Variants in ASAH2B observed in about 807,000 individuals in gnomAD.
ASAH2B encodes the protein N-acylsphingosine amidohydrolase 2B, also known as putative inactive neutral ceramidase B.
ASAH2B carries 1 observed loss-of-function variant against 2.9 expected under a neutral mutation model. The observed-to-expected ratio is 0.34, with a 90% CI of 0.12 to 1.63. The LOEUF (loss-of-function observed/expected upper bound fraction) is 1.63, where lower values mean the gene tolerates loss of function less well. Among genes scored for constraint, ASAH2B ranks in the 40% most tolerant of loss-of-function variants. ASAH2B has a pLI of 0.36. For synonymous variants in ASAH2B, 4 were observed against 13.3 expected, an observed-to-expected ratio of 0.30 and a Z score of 1.52; for missense variants, 9 against 37.7, an observed-to-expected ratio of 0.24 and a Z score of 1.99.
chr10:50,744,415 A>G (rs967284563), intron 2 of ASAH2B, among the ~76,000 whole-genome samples: 1 of 151,722 alleles, frequency 6.6e-6, no homozygotes, highest in East Asian at 1.9e-4. Flanking sequence ...TGGGAATGGT[A>G]ATACATAACC....
At chr10:50,745,736 A>C (rs1839896317) in intron 3 of ASAH2B, among the ~76,000 whole-genome samples, 1 of 149,180 alleles carries the variant, frequency 6.7e-6, no homozygotes, top group East Asian at 2.0e-4. Flanking sequence ...GTCATCTGTG[A>C]ATAAAAATAA....
At position 50,757,098 on chromosome 10, in the gene ASAH2B, T is replaced by C. The variant is rs1837109453; in HGVS notation, c.*2358T>C. ...TTCGAAAAGCACTGAATAATCTCTT[T>C]GCCGGGTCTAGATTTTTTGATGAGT... On this transcript the variant is annotated 3_prime_UTR_variant, in exon 6 of 6. Transcript: ENST00000647317. 6.6e-6 allele frequency: 1 copy of C among 151,630 alleles called. No individual in the cohort carries two copies. Among genetic ancestry groups the C allele is most frequent in the Non-Finnish European group, 1.5e-5 (1 of 67,738 alleles). 9.4% of individuals were successfully genotyped at this position (151,630 alleles called of 1,614,324 possible). A position where few individuals can be genotyped will look rare whatever the true frequency, so the allele number is the denominator to read the frequency against.
intron 3 of ASAH2B, among the ~76,000 whole-genome samples, chr10:50,747,155 T>G (rs1211930034): frequency 1.3e-5 from 2 of 150,858 alleles, no homozygotes; most frequent in Non-Finnish European, 3.0e-5. Flanking sequence ...TATATTTAAA[T>G]CTTTAATCAA....
intron 3 of ASAH2B, among the ~76,000 whole-genome samples, chr10:50,748,844 C>T (rs1300736373): frequency 6.6e-6 from 1 of 151,326 alleles, no homozygotes; most frequent in Non-Finnish European, 1.5e-5. Flanking sequence ...CTTTCTTTGT[C>T]ACTTGAAAAT....
At chr10:50,745,724 A>C (rs1192088887) in intron 3 of ASAH2B, among the ~76,000 whole-genome samples, 3 of 149,560 alleles carry the variant, frequency 2.0e-5, no homozygotes, top group Non-Finnish European at 4.4e-5. Flanking sequence ...ATATAGTATC[A>C]TGTCATCTGT....
chr10:50,743,015 T>G lies in ASAH2B; in HGVS notation c.-4+5T>G, dbSNP rs566698822. On this transcript the variant is annotated splice_donor_5th_base_variant and intron_variant, in intron 2 of 5. Coordinates refer to ENST00000647317, the MANE Select transcript of ASAH2B (RefSeq NM_001321958.2). Reference sequence around the variant, plus strand: ...CTTGCTAAGGCTATTGCTACGGTAATCAAATATTGTTTGTGCGTGCGTGCG... The same window carrying G: ...CTTGCTAAGGCTATTGCTACGGTAAGCAAATATTGTTTGTGCGTGCGTGCG... 32 of 1,613,618 alleles carry G rather than the reference T, an allele frequency of 2.0e-5. 1 individual carries two copies. The South Asian group carries it at 3.0e-4, about 15-fold the overall frequency.
intron 2 of ASAH2B, 35 bp downstream of exon 2, chr10:50,743,045 T>C: frequency 8.8e-7 from 1 of 1,140,052 alleles, no homozygotes; most frequent in Non-Finnish European, 1.2e-6. Flanking sequence ...CGTGCGTGCG[T>C]GTGTGTGTGT....
intron 5 of ASAH2B, among the ~76,000 whole-genome samples, 167 bp from the exon 6 acceptor site, chr10:50,754,384 G>A (rs1468790938): frequency 1.7e-5 from 2 of 115,312 alleles, no homozygotes; most frequent in East Asian, 2.8e-4. Flanking sequence ...GAAAATAGAC[G>A]TTTTTGTCTG....
intron 2 of ASAH2B, among the ~76,000 whole-genome samples, chr10:50,744,484 T>C (rs1839878840): frequency 6.6e-6 from 1 of 151,698 alleles, no homozygotes; most frequent in Non-Finnish European, 1.5e-5. Context: ...ATAAAGAGCA[T>C]TAAATATTCA....
Position 50,742,902 on chromosome 10 carries a change from G to A in ASAH2B, c.-99-13G>A, listed in dbSNP as rs1167752781. 2 of 1,613,746 alleles carry A rather than the reference G, an allele frequency of 1.2e-6. No homozygotes were observed. The highest frequency in any genetic ancestry group is 2.2e-5 in the South Asian group (2 of 91,066). On this transcript the variant is annotated splice_polypyrimidine_tract_variant and intron_variant, in intron 1 of 5. Transcript: ENST00000647317. Reference sequence around the variant, plus strand: ...TGCAGAACCATATACAACTCTCCCTGCCTTTCCTGCAGGCTCAGCGATATG... The same window carrying A: ...TGCAGAACCATATACAACTCTCCCTACCTTTCCTGCAGGCTCAGCGATATG...
chr10:50,744,913 A>G lies in ASAH2B; in HGVS notation c.-3-215A>G, dbSNP rs1184835820. ...GGAATAAAAGAGTTGCCTATGACCA[A>G]AACTTTCTCCCAGTGACAAGAGTTT... On this transcript the variant is annotated intron_variant, in intron 2 of 5. Coordinates refer to ENST00000647317, the MANE Select transcript of ASAH2B (RefSeq NM_001321958.2). Among the ~76,000 whole-genome samples, 4 of 151,028 alleles carry G rather than the reference A, an allele frequency of 2.6e-5. No individual in the cohort carries two copies. In the South Asian group the frequency reaches 6.2e-4, roughly 24 times the overall value.
chr10:50,749,022 T>C (rs1159745586), intron 3 of ASAH2B, among the ~76,000 whole-genome samples: 2 of 151,724 alleles, frequency 1.3e-5, no homozygotes, highest in African/African-American at 4.8e-5. Context: ...GATTCAAATA[T>C]TCCCTGTATT....
rs1837081483 is a variant in ASAH2B at position 50,756,093 on chromosome 10, C to A, written c.*1353C>A. On this transcript the variant is annotated 3_prime_UTR_variant, in exon 6 of 6. Transcript: ENST00000647317. ...AATTCTTTAAGTTAACTACAACCTC[C>A]CAGACTGCAAAGCAAATTTCCAAAC... 1 of 140,332 alleles carries A rather than the reference C, an allele frequency of 7.1e-6. No individual in the cohort carries two copies. Among genetic ancestry groups the A allele is most frequent in the Non-Finnish European group, 1.6e-5 (1 of 62,674 alleles). The allele number at this position is 140,332 out of a possible 1,614,324, so 8.7% of individuals were successfully genotyped here.
Position 50,757,431 on chromosome 10 carries a change from G to C in ASAH2B, c.*2691G>C, listed in dbSNP as rs901623449. 4 of 151,116 alleles carry C rather than the reference G, an allele frequency of 2.6e-5. No individual in the cohort carries two copies. Among genetic ancestry groups the C allele is most frequent in the African/African-American group, 9.7e-5 (4 of 41,212 alleles). The allele number at this position is 151,116 out of a possible 1,614,324, so 9.4% of individuals were successfully genotyped here. ...ATTTTCTTTCTCTTTTTTACTAGTT[G>C]GGCAAAAAAATTTCCTAGGCAGGTA... On this transcript the variant is annotated 3_prime_UTR_variant, in exon 6 of 6. Transcript: ENST00000647317.
At chr10:50,742,893 A>T in intron 1 of ASAH2B, 22 bp from the exon 2 acceptor site, 8 of 1,613,030 alleles carry the variant, frequency 5.0e-6, no homozygotes, top group Non-Finnish European at 6.8e-6. Context: ...ACCATATACA[A>T]CTCTCCCTGC....
intron 3 of ASAH2B, among the ~76,000 whole-genome samples, chr10:50,746,366 T>A (rs1332176382): frequency 9.2e-5 from 14 of 151,610 alleles, no homozygotes; most frequent in Non-Finnish European, 1.9e-4. Context: ...TATTCCATTG[T>A]GTATATGTAC....
At chr10:50,745,341 C>T in intron 3 of ASAH2B, 67 bp downstream of exon 3, 1 of 294,854 alleles carries the variant, frequency 3.4e-6, no homozygotes. Context: ...CTTTGTGTCA[C>T]CATTTGCCTC....
At position 50,756,715 on chromosome 10, in the gene ASAH2B, G is replaced by A. The variant is rs1166271278; in HGVS notation, c.*1975G>A. On this transcript the variant is annotated 3_prime_UTR_variant, in exon 6 of 6. Transcript: ENST00000647317. ...CGCACAGAAACCTATTTTCTCACCAGCTGTCATTTCTTCTAGGGCATGCAG... is the reference window on the plus strand; with the variant it reads ...CGCACAGAAACCTATTTTCTCACCAACTGTCATTTCTTCTAGGGCATGCAG... 6.6e-6 allele frequency: 1 copy of A among 151,960 alleles called. No individual in the cohort carries two copies. Among genetic ancestry groups the A allele is most frequent in the African/African-American group, 2.4e-5 (1 of 41,422 alleles). The allele number at this position is 151,960 out of a possible 1,614,324, so 9.4% of individuals were successfully genotyped here. A position where few individuals can be genotyped will look rare whatever the true frequency, so the allele number is the denominator to read the frequency against.
chr10:50,743,083 G>T, intron 2 of ASAH2B, 73 bp downstream of exon 2: 3 of 1,513,426 alleles, frequency 2.0e-6, no homozygotes, highest in Admixed American at 1.7e-5. Flanking sequence ...TCTGTGTCTG[G>T]GTAAGAGGGA....
Sources: gnomAD v4.1 joint callset for allele counts (sites outside exome capture counted in the v4.1 genomes callset) on GRCh38, gnomAD v4.1.1 for gene constraint, MANE v1.5 for transcripts, NCBI Gene and HGNC (gene_info 2026-07-23, HGNC 2026-07-21) for gene names.